MAP3K5: variants seen among roughly 807,000 people sequenced by gnomAD.
MAP3K5 encodes mitogen-activated protein kinase kinase kinase 5.
In MAP3K5, 56 loss-of-function variants were observed where a neutral mutation model predicts 158.7. The ratio of observed to expected loss-of-function variants is 0.35; its 90% CI spans 0.28 to 0.44. MAP3K5 has a LOEUF of 0.44. Ranked by LOEUF, MAP3K5 falls within the 20% of genes least tolerant of loss-of-function variation. The pLI is 1.00. For missense variants in MAP3K5, 1,294 were observed against 1,674.8 expected (o/e 0.77, Z 3.97); for synonymous variants, 579 against 601.7 (o/e 0.96, Z 0.55).
At chr6:136,767,289 G>A (rs1784005727) in intron 1 of MAP3K5, among the ~76,000 whole-genome samples, 1 of 151,726 alleles carries the variant, frequency 6.6e-6, no homozygotes, top group Non-Finnish European at 1.5e-5. Flanking sequence ...CATAAAGGAG[G>A]GAAGGAGCAA....
intron 26 of MAP3K5, among the ~76,000 whole-genome samples, chr6:136,566,924 A>G (rs554418072): frequency 6.6e-6 from 1 of 152,352 alleles, no homozygotes; most frequent in South Asian, 2.1e-4. Flanking sequence ...TTCGCTTAAA[A>G]AAAAGTTTTT....
chr6:136,692,893 T>G (rs1336789820), intron 7 of MAP3K5, among the ~76,000 whole-genome samples: 3 of 151,798 alleles, frequency 2.0e-5, no homozygotes, highest in African/African-American at 7.3e-5. Flanking sequence ...GAGGTGGAGG[T>G]GGCAGTGGGC....
Position 136,583,693 on chromosome 6 carries a change from A to C in MAP3K5, c.3273T>G (p.Ile1091Met), listed in dbSNP as rs757121065. 6.2e-7 allele frequency: 1 copy of C among 1,614,226 alleles called. No individual in the cohort carries two copies. Among genetic ancestry groups the C allele is most frequent in the Non-Finnish European group, 8.5e-7 (1 of 1,180,034 alleles). The change falls in exon 24 of 30, where the codon ATT (isoleucine) becomes ATG (methionine). Residue 1091 changes from isoleucine to methionine, a missense_variant. Coordinates refer to ENST00000359015, the MANE Select transcript of MAP3K5 (RefSeq NM_005923.4). ...ATCTCACAAATTCTCTGAGGCTTGC[A>C]ATGAGGGTTGTGATGTGTTCCCATT... ...KLKWEHITTL[I>M]ASLREFVRST...
intron 1 of MAP3K5, among the ~76,000 whole-genome samples, chr6:136,769,254 A>G (rs1281627526): frequency 6.6e-6 from 1 of 152,224 alleles, no homozygotes; most frequent in Admixed American, 6.5e-5. Flanking sequence ...CCAGTCACAA[A>G]ATGCCACATA....
intron 7 of MAP3K5, among the ~76,000 whole-genome samples, chr6:136,686,461 T>C (rs951698911): frequency 2.6e-5 from 4 of 152,170 alleles, no homozygotes; most frequent in Non-Finnish European, 4.4e-5. Context: ...GATATTCATA[T>C]AGGAAGAGCG....
chr6:136,622,548 C>T (rs563983466), intron 15 of MAP3K5, among the ~76,000 whole-genome samples: 4 of 152,144 alleles, frequency 2.6e-5, no homozygotes, highest in African/African-American at 7.2e-5. Flanking sequence ...CCAACCTAAA[C>T]GATTTCTGAT....
chr6:136,687,375 A>G (rs1246634697), intron 7 of MAP3K5, among the ~76,000 whole-genome samples: 1 of 152,250 alleles, frequency 6.6e-6, no homozygotes, highest in Admixed American at 6.5e-5. Context: ...CAAAGACTTC[A>G]TGACTAAAAC....
At chr6:136,635,705 A>G (rs1777593296) in intron 14 of MAP3K5, among the ~76,000 whole-genome samples, 1 of 147,248 alleles carries the variant, frequency 6.8e-6, no homozygotes. Flanking sequence ...CTGGGCAACA[A>G]AGTGAGATCC....
chr6:136,669,260 G>A, intron 8 of MAP3K5, 23 bp downstream of exon 8: 1 of 1,490,098 alleles, frequency 6.7e-7, no homozygotes, highest in South Asian at 1.1e-5. Flanking sequence ...TGATTTCCAT[G>A]TAAAATATCA....
intron 11 of MAP3K5, 86 bp downstream of exon 11, chr6:136,650,898 C>T (rs923447787): frequency 1.4e-6 from 1 of 727,420 alleles, no homozygotes. Context: ...TTAACTAACA[C>T]AGACATTTGC....
chr6:136,625,528 T>C (rs1259393741), intron 14 of MAP3K5, among the ~76,000 whole-genome samples: 10 of 152,230 alleles, frequency 6.6e-5, no homozygotes, highest in Non-Finnish European at 1.2e-4. Flanking sequence ...GACTGAGCTC[T>C]GGAGGAGCAA....
chr6:136,622,904 C>T lies in MAP3K5; in HGVS notation c.2094G>A (p.Arg698=), dbSNP rs767504696. The T allele has an allele frequency of 8.1e-6, 13 of 1,613,702 alleles. No homozygotes were observed. Among genetic ancestry groups the T allele is most frequent in the Non-Finnish European group, 9.3e-6 (11 of 1,179,812 alleles). ...CAATTCTGACTTGGTTGCTCAAGTC[C>T]CGACCTGCGTAGACTATCCCATAAG... ...KGTYGIVYAG[R]DLSNQVRIAI... The change falls in exon 15 of 30, where the codon CGG becomes CGA. Residue 698 remains arginine (R), a synonymous_variant. Coordinates refer to ENST00000359015, the MANE Select transcript of MAP3K5 (RefSeq NM_005923.4).
intron 7 of MAP3K5, among the ~76,000 whole-genome samples, chr6:136,680,702 T>C (rs1562606452): frequency 6.6e-6 from 1 of 152,244 alleles, no homozygotes. Flanking sequence ...TCTCTTCTCA[T>C]CTTTGCCAAT....
chr6:136,592,619 T>C lies in MAP3K5; in HGVS notation c.2879-5A>G. 6.2e-7 allele frequency: 1 copy of C among 1,611,768 alleles called. No homozygotes were observed. The highest frequency in any genetic ancestry group is 8.5e-7 in the Non-Finnish European group (1 of 1,178,178). ...AGGATATACTCCTGAGATATTCTGC[T>C]TGTGATGAGAGGAGGGAAAAGATAA... On this transcript the variant is annotated splice_region_variant and splice_polypyrimidine_tract_variant and intron_variant, in intron 21 of 29. Coordinates refer to ENST00000359015, the MANE Select transcript of MAP3K5 (RefSeq NM_005923.4).
At chr6:136,683,629 C>T (rs1486160073) in intron 7 of MAP3K5, among the ~76,000 whole-genome samples, 3 of 152,148 alleles carry the variant, frequency 2.0e-5, no homozygotes, top group South Asian at 2.1e-4. Flanking sequence ...AACTCATCTA[C>T]GCAAGTGTTA....
Position 136,647,376 on chromosome 6 carries a change from G to A in MAP3K5, c.1788+3608C>T, listed in dbSNP as rs149792348. 1.8e-3 allele frequency among the ~76,000 whole-genome samples: 268 copies of A among 152,296 alleles called. 2 individuals are homozygous for A. Among genetic ancestry groups the A allele is most frequent in the African/African-American group, 6.3e-3 (261 of 41,558 alleles). On this transcript the variant is annotated intron_variant, in intron 11 of 29. Coordinates refer to ENST00000359015, the MANE Select transcript of MAP3K5 (RefSeq NM_005923.4). ...TACATACATGGCAACTAAAGCATGA[G>A]GAGTTGAAGCGCATGCCTAGGCCAC...
intron 1 of MAP3K5, among the ~76,000 whole-genome samples, chr6:136,733,766 T>G (rs1477683217): frequency 7.3e-6 from 1 of 136,994 alleles, no homozygotes; most frequent in Non-Finnish European, 1.5e-5. Context: ...AGTGGTACAT[T>G]TTTTACAACT....
intron 29 of MAP3K5, among the ~76,000 whole-genome samples, chr6:136,558,158 C>CACGT (rs1394858248): frequency 6.6e-6 from 1 of 152,138 alleles, no homozygotes; most frequent in African/African-American, 2.4e-5. Context: ...GCAGGCAGAT[C>CACGT]ACGTGGTCAG....
At position 136,772,212 on chromosome 6, in the gene MAP3K5, C is replaced by T. The variant is rs889275445; in HGVS notation, c.448+19498G>A. On this transcript the variant is annotated intron_variant, in intron 1 of 29. Transcript: ENST00000359015. Reference sequence around the variant, plus strand: ...GATTACAGGCGTGAGCCACCACACCCAGCCTGTGGTCTCCCATTATTTTGA... The same window carrying T: ...GATTACAGGCGTGAGCCACCACACCTAGCCTGTGGTCTCCCATTATTTTGA... Among the ~76,000 whole-genome samples the T allele has an allele frequency of 4.0e-4, 61 of 151,680 alleles. 1 individual carries two copies. The highest frequency in any genetic ancestry group is 1.1e-3 in the African/African-American group (45 of 41,246).
Sources: gnomAD v4.1 joint callset for allele counts (sites outside exome capture counted in the v4.1 genomes callset) on GRCh38, gnomAD v4.1.1 for gene constraint, MANE v1.5 for transcripts, NCBI Gene and HGNC (gene_info 2026-07-23, HGNC 2026-07-21) for gene names.